The following RBM26 variants were observed in gnomAD, a reference collection of about 807,000 sequenced individuals.
RBM26 encodes the protein RNA-binding protein 26.
In RBM26, 30 loss-of-function variants were observed where a neutral mutation model predicts 123.6. The observed-to-expected ratio is 0.24, with a 90% confidence interval of 0.18 to 0.33. The LOEUF is 0.33. Among genes scored for constraint, RBM26 ranks in the 10% least tolerant of loss-of-function variants. The pLI, the probability that RBM26 is intolerant of heterozygous loss-of-function variation, is 1.00. For synonymous variants in RBM26, 400 were observed against 404.4 expected, an observed-to-expected ratio of 0.99 and a Z score of 0.13; for missense variants, 947 against 1,203.6, an observed-to-expected ratio of 0.79 and a Z score of 3.15.
chr13:79,387,646 C>T (rs772516101), intron 1 of RBM26, among the ~76,000 whole-genome samples: 5 of 151,656 alleles, frequency 3.3e-5, no homozygotes, highest in Non-Finnish European at 7.4e-5. Context: ...CACCACCTTG[C>T]GCTCTTTCTC....
At chr13:79,340,580 CAT>C (rs1160273047) in intron 18 of RBM26, among the ~76,000 whole-genome samples, 1 of 151,958 alleles carries the variant, frequency 6.6e-6, no homozygotes, top group African/African-American at 2.4e-5. Context: ...TCTCTCATAT[CAT>C]ATAACAGGAA....
rs1171276644 is a variant in RBM26, at chr13:79,337,274, C to T, written c.2561G>A (p.Gly854Asp). 1 of 1,614,124 alleles carries T rather than the reference C, an allele frequency of 6.2e-7. No homozygotes were observed. The highest frequency in any genetic ancestry group is 8.5e-7 in the Non-Finnish European group (1 of 1,180,008). ...EAAKRGILSSGRGRGIHSRGR... is the reference protein window; with the variant it reads ...EAAKRGILSSDRGRGIHSRGR... ...TCTTGAATGAATTCCTCTGCCCCGACCAGATGAAAGAATCCCTCGTTTGGC... is the reference window on the plus strand; with the variant it reads ...TCTTGAATGAATTCCTCTGCCCCGATCAGATGAAAGAATCCCTCGTTTGGC... The change falls in exon 19 of 22, where the codon GGT (glycine) becomes GAT (aspartate). Residue 854 changes from glycine (G) to aspartate (D), a missense_variant. Physicochemically the swap from Gly to Asp is moderately conservative, Grantham distance 94 (BLOSUM62 -1). This residue lies in a region of RBM26 where 164 missense variants were observed against 215.3 expected (regional missense o/e 0.76). Coordinates refer to ENST00000438737, the MANE Select transcript of RBM26 (RefSeq NM_001366735.2).
rs2073695301 is a variant in RBM26 at position 79,354,313 on chromosome 13, T to C, written c.1986+126A>G. The C allele has an allele frequency of 3.8e-6, 3 of 789,636 alleles. No homozygotes were observed. In the African/African-American group the frequency reaches 5.5e-5, roughly 14 times the overall value. 48.9% of individuals were successfully genotyped at this position (789,636 alleles called of 1,614,324 possible). A position where few individuals can be genotyped will look rare whatever the true frequency, so the allele number is the denominator to read the frequency against. ...AAAAAAAACAACCTTATAGGTGGGGTTCAAATATGTAAAGACTATCATATT... is the reference window on the plus strand; with the variant it reads ...AAAAAAAACAACCTTATAGGTGGGGCTCAAATATGTAAAGACTATCATATT... On this transcript the variant is annotated intron_variant, in intron 13 of 21. Coordinates refer to ENST00000438737, the MANE Select transcript of RBM26 (RefSeq NM_001366735.2).
chr13:79,385,297 A>G (rs1373881835), intron 1 of RBM26, among the ~76,000 whole-genome samples: 1 of 152,212 alleles, frequency 6.6e-6, no homozygotes, highest in Non-Finnish European at 1.5e-5. Context: ...ACTTATATAC[A>G]GTAATTAGTT....
chr13:79,364,303 A>G (rs1254944374), intron 9 of RBM26, among the ~76,000 whole-genome samples: 1 of 152,190 alleles, frequency 6.6e-6, no homozygotes, highest in African/African-American at 2.4e-5. Flanking sequence ...GAAGATGCTC[A>G]GAATCTGATA....
chr13:79,390,300 T>C (rs754857103), intron 1 of RBM26, among the ~76,000 whole-genome samples: 2 of 152,148 alleles, frequency 1.3e-5, no homozygotes, highest in African/African-American at 4.8e-5. Flanking sequence ...ACTACAGATA[T>C]ATGCAATAAT....
At chr13:79,337,838 C>T (rs905695571) in intron 18 of RBM26, among the ~76,000 whole-genome samples, 1 of 152,218 alleles carries the variant, frequency 6.6e-6, no homozygotes, top group African/African-American at 2.4e-5. Context: ...ACCACTCCTT[C>T]ATTCCACAAA....
downstream of RBM26, chr13:79,314,922 C>T (rs555158863): frequency 7.2e-5 from 83 of 1,152,236 alleles, no homozygotes; most frequent in South Asian, 9.0e-4. Flanking sequence ...TTGTAACAGT[C>T]GTCTCCAGAC....
At chr13:79,323,296 T>C (rs898939365) in intron 20 of RBM26, among the ~76,000 whole-genome samples, 1 of 151,560 alleles carries the variant, frequency 6.6e-6, no homozygotes, top group African/African-American at 2.4e-5. Flanking sequence ...TACAGCATAA[T>C]GTGAAATGTA....
chr13:79,347,361 G>T (rs1238981619), intron 14 of RBM26, among the ~76,000 whole-genome samples: 1 of 152,164 alleles, frequency 6.6e-6, no homozygotes, highest in Non-Finnish European at 1.5e-5. Context: ...AACGTCAGAG[G>T]TGTTAAAATG....
At chr13:79,351,012 A>C (rs1232665377) in intron 14 of RBM26, among the ~76,000 whole-genome samples, 1 of 152,198 alleles carries the variant, frequency 6.6e-6, no homozygotes, top group Non-Finnish European at 1.5e-5. Context: ...TGCTACCATA[A>C]ATGATTTTTT....
chr13:79,358,223 A>T (rs751270598), intron 11 of RBM26, 51 bp downstream of exon 11: 1 of 1,419,852 alleles, frequency 7.0e-7, no homozygotes, highest in Non-Finnish European at 9.5e-7. Flanking sequence ...TTATTACATT[A>T]AGTTCCCTAA....
At chr13:79,355,427 C>A (rs765201882) in intron 11 of RBM26, 43 bp from the exon 12 acceptor site, 2 of 1,529,770 alleles carry the variant, frequency 1.3e-6, no homozygotes, top group South Asian at 2.3e-5. Context: ...CCAAAGGAAT[C>A]TGTTGCTTCA....
At chr13:79,403,404 G>A (rs2079218655) in intron 1 of RBM26, among the ~76,000 whole-genome samples, 1 of 152,086 alleles carries the variant, frequency 6.6e-6, no homozygotes, top group South Asian at 2.1e-4. Context: ...GTTTCATTAA[G>A]ACTAAAGAAA....
chr13:79,337,935 T>C (rs1004518022), intron 18 of RBM26, among the ~76,000 whole-genome samples: 5 of 152,192 alleles, frequency 3.3e-5, no homozygotes, highest in Admixed American at 2.6e-4. Flanking sequence ...AACTAAGTTA[T>C]GGCCAGGAGT....
At chr13:79,330,826 A>G (rs1593990280) in intron 20 of RBM26, among the ~76,000 whole-genome samples, 1 of 152,120 alleles carries the variant, frequency 6.6e-6, no homozygotes, top group South Asian at 2.1e-4. Context: ...TTCAATGCAC[A>G]TGGCTACTTT....
chr13:79,320,930 AT>A (rs1209945973), intron 21 of RBM26, among the ~76,000 whole-genome samples: 1 of 151,328 alleles, frequency 6.6e-6, no homozygotes, highest in Non-Finnish European at 1.5e-5. Flanking sequence ...CTAAACAAAT[AT>A]CAAATAAAGC....
intron 5 of RBM26, among the ~76,000 whole-genome samples, chr13:79,370,392 C>T (rs2075759760): frequency 6.6e-6 from 1 of 152,176 alleles, no homozygotes; most frequent in East Asian, 1.9e-4. Flanking sequence ...CATAATTATA[C>T]TGAGATTCAT....
intron 6 of RBM26, among the ~76,000 whole-genome samples, chr13:79,367,757 C>A (rs9530903): frequency 0.99 from 150,172 of 152,164 alleles, 74,143 homozygotes; most frequent in East Asian, 1. Flanking sequence ...GAGCCAAAGA[C>A]ACCTCTTTTC....
Sources: allele counts gnomAD v4.1 joint callset (sites outside exome capture counted in the v4.1 genomes callset), GRCh38; gene constraint gnomAD v4.1.1; regional missense constraint gnomAD v4.1.1; transcripts MANE v1.5; gene names NCBI Gene and HGNC (gene_info 2026-07-23, HGNC 2026-07-21).